MDGA2: variants seen among roughly 807,000 people sequenced by gnomAD.
The protein encoded by MDGA2 is MAM domain containing glycosylphosphatidylinositol anchor 2.
MDGA2 carries 40 observed loss-of-function variants against 117.8 expected under a neutral mutation model. That is an observed-to-expected ratio of 0.34 (90% CI 0.26 to 0.44). The LOEUF is 0.44. MDGA2 is among the 20% of genes least tolerant of loss of function. The pLI is 1.00. For missense variants in MDGA2, 1,123 were observed against 1,250.6 expected (o/e 0.90, Z 1.54); for synonymous variants, 452 against 439.0 (o/e 1.03, Z -0.37).
chr14:47,512,850 T>C (rs1056632971), intron 1 of MDGA2, among the ~76,000 whole-genome samples: 2 of 152,086 alleles, frequency 1.3e-5, no homozygotes, highest in African/African-American at 4.8e-5. Context: ...CACGATCTTT[T>C]CTAGCTCTCA....
chr14:46,843,522 C>G (rs1255477045), intron 16 of MDGA2, among the ~76,000 whole-genome samples: 1 of 152,038 alleles, frequency 6.6e-6, no homozygotes, highest in Admixed American at 6.6e-5. Flanking sequence ...TACTGGTTTT[C>G]TAAAGCAGAA....
chr14:47,175,906 G>A (rs1369657697), intron 3 of MDGA2, among the ~76,000 whole-genome samples: 7 of 151,956 alleles, frequency 4.6e-5, no homozygotes, highest in African/African-American at 1.2e-4. Context: ...AAACCCCATC[G>A]CCTCAGCCCA....
intron 7 of MDGA2, among the ~76,000 whole-genome samples, chr14:47,056,217 A>AT (rs1889669721): frequency 6.6e-6 from 1 of 152,162 alleles, no homozygotes; most frequent in African/African-American, 2.4e-5. Context: ...GGACTTAGTC[A>AT]TTTTTTCTGT....
At chr14:47,555,705 C>T (rs947423467) in intron 1 of MDGA2, among the ~76,000 whole-genome samples, 1 of 152,122 alleles carries the variant, frequency 6.6e-6, no homozygotes, top group Non-Finnish European at 1.5e-5. Context: ...TAGATCTTCT[C>T]CACCTCCCAC....
rs766138921 is a variant in MDGA2 at position 46,884,804 on chromosome 14, A to G, written c.2239-2583T>C. Among the ~76,000 whole-genome samples the G allele has an allele frequency of 1.3e-5, 2 of 152,076 alleles. No homozygotes were observed. Among genetic ancestry groups the G allele is most frequent in the Non-Finnish European group, 2.9e-5 (2 of 67,988 alleles). On this transcript the variant is annotated intron_variant, in intron 10 of 16. Transcript: ENST00000399232. The surrounding 1 kb of genome is among the most constrained non-coding windows in gnomAD (Gnocchi z 4.1). ...CATACAATTTAAATCAGTTAGGAAA[A>G]ATACAGAAAAAATGTTATTATGATC...
At chr14:47,238,549 C>T (rs1886940855) in intron 2 of MDGA2, among the ~76,000 whole-genome samples, 1 of 151,288 alleles carries the variant, frequency 6.6e-6, no homozygotes, top group Non-Finnish European at 1.5e-5. Context: ...CAAAACAAAA[C>T]CCAGATTACC....
intron 1 of MDGA2, among the ~76,000 whole-genome samples, chr14:47,440,370 A>G (rs1892982523): frequency 6.6e-6 from 1 of 152,102 alleles, no homozygotes; most frequent in Admixed American, 6.6e-5. Context: ...TTTATCTCAC[A>G]TCCTTACTTG....
intron 1 of MDGA2, among the ~76,000 whole-genome samples, chr14:47,411,699 T>C (rs1444049602): frequency 1.3e-5 from 2 of 152,146 alleles, no homozygotes; most frequent in Non-Finnish European, 2.9e-5. Flanking sequence ...ATGTTAGCAT[T>C]AACCTATGTG....
At chr14:47,169,169 C>G (rs914958831) in intron 3 of MDGA2, among the ~76,000 whole-genome samples, 1 of 151,924 alleles carries the variant, frequency 6.6e-6, no homozygotes, top group East Asian at 1.9e-4. Flanking sequence ...TTTACATACA[C>G]CCTTCAACAC....
chr14:47,526,356 G>C (rs1370990251), intron 1 of MDGA2, among the ~76,000 whole-genome samples: 1 of 152,098 alleles, frequency 6.6e-6, no homozygotes, highest in Non-Finnish European at 1.5e-5. Context: ...TTTTATTCTA[G>C]AAGGCAGGTA....
intron 1 of MDGA2, chr14:47,342,987 G>A (rs1035288635): frequency 9.9e-7 from 1 of 1,012,714 alleles, no homozygotes; most frequent in African/African-American, 1.7e-5. Flanking sequence ...AGCTTTGCCT[G>A]GCAGAATGCT....
At chr14:47,211,588 T>C (rs1305152796) in intron 3 of MDGA2, among the ~76,000 whole-genome samples, 7 of 152,150 alleles carry the variant, frequency 4.6e-5, no homozygotes, top group African/African-American at 1.7e-4. Context: ...GAGGTAGATA[T>C]TATCTTTACT....
intron 1 of MDGA2, among the ~76,000 whole-genome samples, chr14:47,315,228 G>A (rs1344159099): frequency 6.6e-6 from 1 of 152,010 alleles, no homozygotes; most frequent in African/African-American, 2.4e-5. Context: ...ATGGATAAAG[G>A]AAACACTTAT....
intron 2 of MDGA2, among the ~76,000 whole-genome samples, chr14:47,264,276 G>A (rs1337987324): frequency 1.3e-5 from 2 of 152,016 alleles, no homozygotes; most frequent in African/African-American, 4.8e-5. Flanking sequence ...TGTCATTATA[G>A]ACATCATCAG....
At chr14:47,645,789 C>T (rs1297552346) in intron 1 of MDGA2, among the ~76,000 whole-genome samples, 2 of 151,534 alleles carry the variant, frequency 1.3e-5, no homozygotes, top group Non-Finnish European at 2.9e-5. Context: ...ATGAAGAAAA[C>T]TGGCTGGGCG....
chr14:47,465,534 C>T (rs935927880), intron 1 of MDGA2, among the ~76,000 whole-genome samples: 9 of 152,018 alleles, frequency 5.9e-5, no homozygotes, highest in Admixed American at 3.3e-4. Flanking sequence ...TGAACACATA[C>T]ATTTCAAAAG....
intron 8 of MDGA2, among the ~76,000 whole-genome samples, chr14:46,976,180 A>C (rs2138355873): frequency 6.6e-6 from 1 of 152,262 alleles, no homozygotes; most frequent in Non-Finnish European, 1.5e-5. Flanking sequence ...ATTCCACTAA[A>C]CCATATGCTT....
intron 9 of MDGA2, among the ~76,000 whole-genome samples, chr14:46,945,986 G>GT (rs938559799): frequency 6.6e-6 from 1 of 151,944 alleles, no homozygotes; most frequent in Non-Finnish European, 1.5e-5. Flanking sequence ...AACAAATATG[G>GT]TTAAGTAGAT....
intron 1 of MDGA2, among the ~76,000 whole-genome samples, chr14:47,497,638 G>A (rs1894310942): frequency 6.6e-6 from 1 of 152,080 alleles, no homozygotes. Context: ...AGAGATCCTG[G>A]ATAATTTACT....
Sources: gnomAD v4.1 joint callset for allele counts (sites outside exome capture counted in the v4.1 genomes callset) on GRCh38, gnomAD v4.1.1 for gene constraint, Gnocchi (gnomAD v3.1) non-coding constraint, MANE v1.5 for transcripts, NCBI Gene and HGNC (gene_info 2026-07-23, HGNC 2026-07-21) for gene names.